Variants in ZNF385B observed in about 807,000 individuals in gnomAD.
ZNF385B encodes zinc finger protein 385B.
In ZNF385B, 23 loss-of-function variants were observed where a neutral mutation model predicts 39.2. The observed-to-expected ratio is 0.59, with a 90% CI of 0.42 to 0.83. The LOEUF (loss-of-function observed/expected upper bound fraction) is 0.83, where lower values mean the gene tolerates loss of function less well. ZNF385B is among the 40% of genes least tolerant of loss of function. The pLI, the probability that ZNF385B is intolerant of heterozygous loss-of-function variation, is 0.00. For missense variants in ZNF385B, 552 were observed against 598.9 expected (o/e 0.92, Z 0.82); for synonymous variants, 205 against 222.6 (o/e 0.92, Z 0.70).
At chr2:179,554,459 G>A (rs566317224) in intron 3 of ZNF385B, among the ~76,000 whole-genome samples, 5 of 149,334 alleles carry the variant, frequency 3.3e-5, no homozygotes, top group South Asian at 2.2e-4. Context: ...ACATGTTGAG[G>A]TTAACTTTTT....
chr2:179,595,184 A>C (rs558937896), intron 3 of ZNF385B, among the ~76,000 whole-genome samples: 5 of 152,332 alleles, frequency 3.3e-5, no homozygotes, highest in Non-Finnish European at 5.9e-5. Flanking sequence ...AGGAAGATTC[A>C]AAGGAAAAAA....
At chr2:179,616,983 A>G (rs1053379217) in intron 3 of ZNF385B, among the ~76,000 whole-genome samples, 32 of 152,068 alleles carry the variant, frequency 2.1e-4, no homozygotes, top group African/African-American at 7.5e-4. Flanking sequence ...TTCTCCTTAC[A>G]TTTAGTGACT....
intron 3 of ZNF385B, among the ~76,000 whole-genome samples, chr2:179,728,879 C>T (rs1349706760): frequency 6.6e-6 from 1 of 151,870 alleles, no homozygotes; most frequent in East Asian, 1.9e-4. Flanking sequence ...AGTCAGGAAA[C>T]TATTGAAAAT....
chr2:179,598,498 C>A (rs1411827316), intron 3 of ZNF385B, among the ~76,000 whole-genome samples: 3 of 152,022 alleles, frequency 2.0e-5, no homozygotes, highest in African/African-American at 7.2e-5. Context: ...ATGTTACAGA[C>A]TTTTTTTGAT....
At position 179,753,402 on chromosome 2, in the gene ZNF385B, G is replaced by A. The variant is rs62309269; in HGVS notation, c.298+16101C>T. Among the ~76,000 whole-genome samples, 333 of 152,282 alleles carry A rather than the reference G, an allele frequency of 2.2e-3. 4 individuals are homozygous for A. The highest frequency in any genetic ancestry group is 7.7e-3 in the African/African-American group (320 of 41,554). ...CTCCAGCTTTGCTCTTTTGGCTTAGGATTGTCTTGGCAATGTGGGCTCTTT... is the reference window on the plus strand; with the variant it reads ...CTCCAGCTTTGCTCTTTTGGCTTAGAATTGTCTTGGCAATGTGGGCTCTTT... On this transcript the variant is annotated intron_variant, in intron 3 of 9. Transcript: ENST00000410066.
At chr2:179,793,825 A>G (rs182922489) in intron 1 of ZNF385B, among the ~76,000 whole-genome samples, 527 of 152,352 alleles carry the variant, frequency 3.5e-3, no homozygotes, top group South Asian at 7.5e-3. Flanking sequence ...TGGAGTTGGC[A>G]GGGAGGAGAG....
At chr2:179,523,374 C>G (rs2058650101) in intron 4 of ZNF385B, among the ~76,000 whole-genome samples, 1 of 126,390 alleles carries the variant, frequency 7.9e-6, no homozygotes, top group Non-Finnish European at 1.6e-5. Context: ...TTTTAAAGAG[C>G]ATTACTTTCT....
intron 3 of ZNF385B, among the ~76,000 whole-genome samples, chr2:179,661,332 A>G (rs896044785): frequency 6.6e-6 from 1 of 152,208 alleles, no homozygotes; most frequent in Non-Finnish European, 1.5e-5. Context: ...CATATTCAAT[A>G]GATACATCAA....
At chr2:179,648,140 TG>T (rs933004198) in intron 3 of ZNF385B, among the ~76,000 whole-genome samples, 1 of 151,912 alleles carries the variant, frequency 6.6e-6, no homozygotes, top group African/African-American at 2.4e-5. Flanking sequence ...CAGCTTGCCA[TG>T]GGGTATTGGT....
intron 6 of ZNF385B, among the ~76,000 whole-genome samples, chr2:179,465,754 C>T (rs1243568196): frequency 2.0e-5 from 3 of 152,084 alleles, no homozygotes; most frequent in Non-Finnish European, 4.4e-5. Context: ...GTCTCTGAGC[C>T]CATGTCTTCC....
intron 3 of ZNF385B, among the ~76,000 whole-genome samples, chr2:179,566,760 G>A (rs1684625301): frequency 6.6e-6 from 1 of 152,002 alleles, no homozygotes; most frequent in African/African-American, 2.4e-5. Flanking sequence ...AATGGACTAT[G>A]GCTTCTGATT....
At chr2:179,834,523 T>A (rs1708146106) in intron 1 of ZNF385B, among the ~76,000 whole-genome samples, 1 of 152,200 alleles carries the variant, frequency 6.6e-6, no homozygotes, top group African/African-American at 2.4e-5. Context: ...CATACTGATA[T>A]TTTAAAACGA....
intron 3 of ZNF385B, among the ~76,000 whole-genome samples, chr2:179,739,524 T>C (rs1397527983): frequency 6.6e-6 from 1 of 152,208 alleles, no homozygotes; most frequent in African/African-American, 2.4e-5. Flanking sequence ...TTAGCTATCG[T>C]GTTTTCAGGG....
chr2:179,582,242 A>T (rs1051943119), intron 3 of ZNF385B, among the ~76,000 whole-genome samples: 2 of 152,200 alleles, frequency 1.3e-5, no homozygotes, highest in African/African-American at 4.8e-5. Context: ...TGATCTATTA[A>T]TCTCACAGGA....
intron 3 of ZNF385B, among the ~76,000 whole-genome samples, chr2:179,739,003 C>G (rs1462043225): frequency 6.6e-6 from 1 of 152,176 alleles, no homozygotes; most frequent in Admixed American, 6.5e-5. Context: ...TCACAGAGAA[C>G]TAGTCTAGGG....
intron 3 of ZNF385B, among the ~76,000 whole-genome samples, chr2:179,657,546 C>T (rs1693932859): frequency 6.6e-6 from 1 of 152,190 alleles, no homozygotes; most frequent in African/African-American, 2.4e-5. Flanking sequence ...TTATAGCTCA[C>T]AACTATAATT....
chr2:179,763,559 CTATT>C (rs1395420054), intron 3 of ZNF385B, among the ~76,000 whole-genome samples: 1 of 151,964 alleles, frequency 6.6e-6, no homozygotes, highest in Non-Finnish European at 1.5e-5. Context: ...TTTGGTTTAT[CTATT>C]CTTTTCTAGC....
At chr2:179,550,233 G>A (rs1265440402) in intron 3 of ZNF385B, among the ~76,000 whole-genome samples, 1 of 149,458 alleles carries the variant, frequency 6.7e-6, no homozygotes, top group African/African-American at 2.5e-5. Context: ...TTGCCATTGT[G>A]AGTCTCCTGG....
At chr2:179,694,415 A>G (rs918979785) in intron 3 of ZNF385B, among the ~76,000 whole-genome samples, 1 of 151,188 alleles carries the variant, frequency 6.6e-6, no homozygotes, top group Non-Finnish European at 1.5e-5. Flanking sequence ...ATTAGTCACT[A>G]ATTCCAGCAA....
Sources: gnomAD v4.1 joint callset for allele counts (sites outside exome capture counted in the v4.1 genomes callset) on GRCh38, gnomAD v4.1.1 for gene constraint, MANE v1.5 for transcripts, NCBI Gene and HGNC (gene_info 2026-07-23, HGNC 2026-07-21) for gene names.